The following SLC2A9 variants were observed in gnomAD, a reference collection of about 807,000 sequenced individuals.
SLC2A9 encodes the protein solute carrier family 2 member 9.
Under a neutral mutation model 50.6 loss-of-function variants are expected in SLC2A9, and 39 were observed. The observed-to-expected ratio is 0.77, with a 90% CI of 0.60 to 1.01. The LOEUF (loss-of-function observed/expected upper bound fraction) is 1.01. Among genes scored for constraint, SLC2A9 ranks in the 50% least tolerant of loss-of-function variants. The pLI is 0.00. For synonymous variants in SLC2A9, 324 were observed against 276.9 expected, an observed-to-expected ratio of 1.17 and a Z score of -1.69; for missense variants, 686 against 677.6, an observed-to-expected ratio of 1.01 and a Z score of -0.14.
intron 5 of SLC2A9, among the ~76,000 whole-genome samples, chr4:9,950,724 T>TGGGTA (rs1402192293): frequency 0.13 from 5,827 of 45,268 alleles, 1,384 homozygotes; most frequent in African/African-American, 0.3. Context: ...AAACCCTGTC[T>TGGGTA]CTACTAAAAA....
At chr4:9,889,140 C>T (rs1736844966) in intron 9 of SLC2A9, among the ~76,000 whole-genome samples, 1 of 152,158 alleles carries the variant, frequency 6.6e-6, no homozygotes, top group East Asian at 1.9e-4. Context: ...GAGAGAGCAC[C>T]TCACCCAGAC....
chr4:10,018,922 G>T (rs1420498597), intron 2 of SLC2A9, 53 bp downstream of exon 2: 4 of 1,527,094 alleles, frequency 2.6e-6, no homozygotes, highest in African/African-American at 1.4e-5. Context: ...TTGCGCACCC[G>T]AAGGTTTCCG....
downstream of SLC2A9, among the ~76,000 whole-genome samples, chr4:9,822,708 G>A (rs967143131): frequency 6.6e-6 from 1 of 152,168 alleles, no homozygotes; most frequent in African/African-American, 2.4e-5. Context: ...TTTGGTTTCT[G>A]ATGAGAAATC....
chr4:9,905,432 A>G (rs1463625374), intron 8 of SLC2A9, among the ~76,000 whole-genome samples: 3 of 152,240 alleles, frequency 2.0e-5, no homozygotes, highest in East Asian at 3.9e-4. Flanking sequence ...CCAACTGGCC[A>G]TGGTCCAGAT....
intron 10 of SLC2A9, among the ~76,000 whole-genome samples, chr4:9,869,996 T>C (rs1733151556): frequency 6.6e-6 from 1 of 152,178 alleles, no homozygotes; most frequent in African/African-American, 2.4e-5. Flanking sequence ...GTGTGGAAGA[T>C]GGAGTTTTGG....
chr4:9,785,341 G>A (rs1719083308), intron 3 of SLC2A9, among the ~76,000 whole-genome samples: 1 of 152,172 alleles, frequency 6.6e-6, no homozygotes. Context: ...CTGTTTTCTC[G>A]ATAGGACTTC....
exon 2 of SLC2A9, chr4:9,771,367 T>G: frequency 2.5e-6 from 1 of 396,096 alleles, no homozygotes; most frequent in Non-Finnish European, 4.5e-6. Flanking sequence ...TGACATGAGG[T>G]CACTGCAGAA....
rs989999933 is a variant in SLC2A9, at chr4:9,807,791, G to A, written n.421-8550C>T. ...TGGCCAGCTGTCAGTGGCCAAGGAC[G>A]GTTTCTCTAAGGAGAGATGCAGTTG... On this transcript the variant is annotated intron_variant and non_coding_transcript_variant, in intron 3 of 3. Transcript: ENST00000503280. Among the ~76,000 whole-genome samples, 9 of 152,132 alleles carry A rather than the reference G, an allele frequency of 5.9e-5. No individual in the cohort carries two copies. The South Asian group carries it at 6.2e-4, about 11-fold the overall frequency.
intron 2 of SLC2A9, among the ~76,000 whole-genome samples, chr4:10,016,577 G>A (rs555033757): frequency 9.0e-5 from 10 of 111,150 alleles, no homozygotes; most frequent in Admixed American, 7.1e-4. Flanking sequence ...CTCCTTTCCC[G>A]AAACGGAGGG....
intron 6 of SLC2A9, among the ~76,000 whole-genome samples, chr4:9,939,782 G>A: frequency 6.6e-6 from 1 of 151,930 alleles, no homozygotes. Flanking sequence ...CTCCTGGGGG[G>A]CAGGAATGTC....
chr4:9,956,351 T>C (rs1412930376), intron 5 of SLC2A9, among the ~76,000 whole-genome samples: 1 of 151,578 alleles, frequency 6.6e-6, no homozygotes, highest in Non-Finnish European at 1.5e-5. Context: ...CCGGGCATGG[T>C]AGCCTGTAGC....
intron 10 of SLC2A9, among the ~76,000 whole-genome samples, chr4:9,887,220 T>C (rs1736429288): frequency 2.0e-5 from 3 of 152,238 alleles, no homozygotes; most frequent in Admixed American, 6.5e-5. Flanking sequence ...TCTTTCACCA[T>C]AGACGGTAAC....
intron 10 of SLC2A9, among the ~76,000 whole-genome samples, chr4:9,865,850 C>T (rs570498186): frequency 3.4e-4 from 52 of 152,354 alleles, no homozygotes; most frequent in African/African-American, 1.2e-3. Flanking sequence ...TGAGACAGCC[C>T]AAGGTCCCTG....
intron 10 of SLC2A9, among the ~76,000 whole-genome samples, chr4:9,866,651 G>A (rs903464295): frequency 5.3e-5 from 8 of 152,268 alleles, no homozygotes; most frequent in Admixed American, 1.3e-4. Context: ...CCATGGATAC[G>A]GGGACGATGC....
intron 3 of SLC2A9, among the ~76,000 whole-genome samples, chr4:9,818,330 G>A (rs1434159983): frequency 1.3e-5 from 2 of 152,156 alleles, no homozygotes; most frequent in African/African-American, 4.8e-5. Flanking sequence ...GTTTTTGTTT[G>A]GATAAAGTAT....
At chr4:9,843,708 G>A (rs1369252941) in intron 10 of SLC2A9, among the ~76,000 whole-genome samples, 1 of 152,194 alleles carries the variant, frequency 6.6e-6, no homozygotes, top group African/African-American at 2.4e-5. Context: ...ACCTAATGCA[G>A]AGAATACACA....
At chr4:9,956,703 G>A (rs28602527) in intron 5 of SLC2A9, among the ~76,000 whole-genome samples, 73,095 of 151,602 alleles carry the variant, frequency 0.48, 18,924 homozygotes, top group African/African-American at 0.67. Context: ...AATTGTGATC[G>A]TTCTAAAATT....
At chr4:10,026,213 C>T (rs1356580178), upstream of SLC2A9, among the ~76,000 whole-genome samples, 1 of 152,184 alleles carries the variant, frequency 6.6e-6, no homozygotes, top group Non-Finnish European at 1.5e-5. Context: ...CAGGGCTTCC[C>T]ACACTTGCCT....
chr4:10,006,641 G>C (rs1415995629), intron 2 of SLC2A9: 2 of 152,074 alleles, frequency 1.3e-5, no homozygotes, highest in African/African-American at 2.4e-5. Context: ...GTGTAGAAAA[G>C]AGCTCTCACA....
Sources: gnomAD v4.1 joint callset for allele counts (sites outside exome capture counted in the v4.1 genomes callset) on GRCh38, gnomAD v4.1.1 for gene constraint, MANE v1.5 for transcripts, NCBI Gene and HGNC (gene_info 2026-07-23, HGNC 2026-07-21) for gene names.